The following KIAA1328 variants were observed in gnomAD, a reference collection of about 807,000 sequenced individuals.
The protein encoded by KIAA1328 is protein hinderin.
Under a neutral mutation model 68.1 loss-of-function variants are expected in KIAA1328, and 52 were observed. That is an observed-to-expected ratio of 0.76 (90% CI 0.61 to 0.96). KIAA1328 has a LOEUF of 0.96. Ranked by LOEUF, KIAA1328 falls within the 40% of genes least tolerant of loss-of-function variation. The pLI is 0.00. For synonymous variants in KIAA1328, 232 were observed against 239.4 expected (o/e 0.97, Z 0.28); for missense variants, 641 against 677.6 (o/e 0.95, Z 0.60).
chr18:36,843,264 C>T (rs1258254766), intron 3 of KIAA1328, among the ~76,000 whole-genome samples: 1 of 152,122 alleles, frequency 6.6e-6, no homozygotes, highest in Non-Finnish European at 1.5e-5. Flanking sequence ...TTATTATCAT[C>T]TTCTTTTCTC....
chr18:36,927,221 A>G (rs1326634233), intron 5 of KIAA1328, among the ~76,000 whole-genome samples: 1 of 152,222 alleles, frequency 6.6e-6, no homozygotes, highest in East Asian at 1.9e-4. Context: ...GGTGTGACAA[A>G]TATACCATGG....
chr18:37,228,392 G>A (rs1599647958), downstream of KIAA1328, among the ~76,000 whole-genome samples: 3 of 152,280 alleles, frequency 2.0e-5, no homozygotes, highest in African/African-American at 7.2e-5. Flanking sequence ...TTCATGAGAG[G>A]AAGGGTCAAT....
At chr18:36,929,483 G>T (rs1568176979) in intron 5 of KIAA1328, among the ~76,000 whole-genome samples, 1 of 151,730 alleles carries the variant, frequency 6.6e-6, no homozygotes, top group Non-Finnish European at 1.5e-5. Context: ...GTGGGCTTCT[G>T]CCACCTTGTA....
At chr18:37,183,479 T>G (rs533745274) in intron 9 of KIAA1328, among the ~76,000 whole-genome samples, 5 of 152,310 alleles carry the variant, frequency 3.3e-5, no homozygotes, top group African/African-American at 1.2e-4. Context: ...AAGCCCCTGC[T>G]CTGGAGCTGC....
In KIAA1328 at chr18:37,225,182, T is replaced by C; in HGVS notation, c.*2955T>C. 1.0e-6 allele frequency: 1 copy of C among 985,512 alleles called. No homozygotes were observed. The highest frequency in any genetic ancestry group is 1.2e-6 in the Non-Finnish European group (1 of 829,970). The allele number at this position is 985,512 out of a possible 1,614,324, so 61.0% of individuals were successfully genotyped here. On this transcript the variant is annotated 3_prime_UTR_variant, in exon 10 of 10. Coordinates refer to ENST00000280020, the MANE Select transcript of KIAA1328 (RefSeq NM_020776.3). ...GAGGAGAGGCCTGATGGGGCAGAGCTGGACGAAGTCTGCTAAGAGAGATGG... is the reference window on the plus strand; with the variant it reads ...GAGGAGAGGCCTGATGGGGCAGAGCCGGACGAAGTCTGCTAAGAGAGATGG...
intron 4 of KIAA1328, among the ~76,000 whole-genome samples, chr18:36,883,267 C>T (rs979909787): frequency 2.0e-5 from 3 of 152,128 alleles, no homozygotes; most frequent in African/African-American, 7.2e-5. Flanking sequence ...ATGTTTTGAG[C>T]ACTGGCGTGA....
intron 6 of KIAA1328, among the ~76,000 whole-genome samples, chr18:36,998,088 C>T (rs149489257): frequency 1.3e-5 from 2 of 152,284 alleles, no homozygotes; most frequent in African/African-American, 2.4e-5. Flanking sequence ...TAGGTATAGC[C>T]TGCTGTCATC....
At chr18:36,853,081 T>C (rs1219474508) in intron 4 of KIAA1328, among the ~76,000 whole-genome samples, 1 of 152,214 alleles carries the variant, frequency 6.6e-6, no homozygotes, top group Non-Finnish European at 1.5e-5. Context: ...TTGTTTGATA[T>C]TAATATAGCA....
At position 37,222,895 on chromosome 18, in the gene KIAA1328, C is replaced by T. The variant is rs2060589287; in HGVS notation, c.*668C>T. 2.0e-6 allele frequency: 2 copies of T among 986,798 alleles called. No individual in the cohort carries two copies. Among genetic ancestry groups the T allele is most frequent in the Admixed American group, 6.1e-5 (1 of 16,460 alleles). 61.1% of individuals were successfully genotyped at this position (986,798 alleles called of 1,614,324 possible). On this transcript the variant is annotated 3_prime_UTR_variant, in exon 10 of 10. Transcript: ENST00000280020. ...CTTGGGAGCAAGCAGCACTAAATCA[C>T]ATCAGGGAGTGATTAGTCCTGGGGA...
chr18:37,080,627 T>C (rs1377288085), intron 7 of KIAA1328, among the ~76,000 whole-genome samples: 1 of 151,618 alleles, frequency 6.6e-6, no homozygotes, highest in Non-Finnish European at 1.5e-5. Context: ...ATACAAAAAT[T>C]AGCCGGGCAT....
intron 2 of KIAA1328, 29 bp downstream of exon 2, chr18:36,834,384 AG>A (rs1317341796): frequency 6.4e-7 from 1 of 1,564,568 alleles, no homozygotes. Flanking sequence ...AAATTTGGGA[AG>A]CTTACTTTGG....
chr18:37,211,736 T>A (rs1002730993), intron 9 of KIAA1328, among the ~76,000 whole-genome samples: 1 of 152,234 alleles, frequency 6.6e-6, no homozygotes, highest in Non-Finnish European at 1.5e-5. Context: ...ATAAATTTTT[T>A]TACTATATTT....
intron 7 of KIAA1328, among the ~76,000 whole-genome samples, chr18:37,151,472 T>A (rs898568084): frequency 2.0e-5 from 3 of 152,170 alleles, no homozygotes; most frequent in Admixed American, 2.0e-4. Context: ...GCAGTGACAG[T>A]CTTTGTTATT....
intron 6 of KIAA1328, among the ~76,000 whole-genome samples, chr18:37,027,262 A>G (rs1224982042): frequency 3.9e-5 from 6 of 152,222 alleles, no homozygotes; most frequent in African/African-American, 1.4e-4. Flanking sequence ...ATGGATAGGA[A>G]GAATCAATAT....
chr18:37,212,324 A>G (rs971046887), intron 9 of KIAA1328, among the ~76,000 whole-genome samples: 1 of 152,244 alleles, frequency 6.6e-6, no homozygotes, highest in Non-Finnish European at 1.5e-5. Context: ...AAAATCTGCC[A>G]GAAAGGATTT....
At position 37,165,736 on chromosome 18, in the gene KIAA1328, C is replaced by T. The variant is rs189856797; in HGVS notation, c.1414+5355C>T. ...GGTCCCGAGTAGCTGGGACTACAGGCGCTCACCACCACGCCCGGCTAATTT... is the reference window on the plus strand; with the variant it reads ...GGTCCCGAGTAGCTGGGACTACAGGTGCTCACCACCACGCCCGGCTAATTT... On this transcript the variant is annotated intron_variant, in intron 8 of 9. Coordinates refer to ENST00000280020, the MANE Select transcript of KIAA1328 (RefSeq NM_020776.3). Among the ~76,000 whole-genome samples the T allele has an allele frequency of 1.6e-4, 25 of 151,722 alleles. No homozygotes were observed. The South Asian group carries it at 3.8e-3, about 23-fold the overall frequency.
chr18:36,899,480 C>T (rs1056797029), intron 5 of KIAA1328, among the ~76,000 whole-genome samples: 1 of 151,784 alleles, frequency 6.6e-6, no homozygotes, highest in South Asian at 2.1e-4. Context: ...CACTCTACTG[C>T]CACCTGGTGA....
chr18:36,859,185 CCTT>C (rs1337955272), intron 4 of KIAA1328, among the ~76,000 whole-genome samples: 79 of 152,188 alleles, frequency 5.2e-4, no homozygotes, highest in African/African-American at 1.9e-3. Flanking sequence ...TCTTTATACT[CCTT>C]CTCCCCACCT....
intron 1 of KIAA1328, chr18:36,832,586 C>CA (rs58832687): frequency 0.19 from 13,428 of 72,170 alleles, 1,187 homozygotes; most frequent in African/African-American, 0.22. Context: ...GACTCTGTCT[C>CA]AAAAAAAAAA....
Sources: gnomAD v4.1 joint callset for allele counts (sites outside exome capture counted in the v4.1 genomes callset) on GRCh38, gnomAD v4.1.1 for gene constraint, MANE v1.5 for transcripts, NCBI Gene and HGNC (gene_info 2026-07-23, HGNC 2026-07-21) for gene names.